Variants in NOVA1 observed in about 807,000 individuals in gnomAD.
The protein encoded by NOVA1 is NOVA alternative splicing regulator 1.
Under a neutral mutation model 38.0 loss-of-function variants are expected in NOVA1, and 7 were observed. The ratio of observed to expected loss-of-function variants is 0.18; its 90% CI spans 0.10 to 0.35. The LOEUF is 0.35. Among genes scored for constraint, NOVA1 ranks in the 10% least tolerant of loss-of-function variants. The pLI is 1.00. For missense variants in NOVA1, 460 were observed against 616.0 expected, an observed-to-expected ratio of 0.75 and a Z score of 2.68; for synonymous variants, 270 against 232.5, an observed-to-expected ratio of 1.16 and a Z score of -1.47.
intron 2 of NOVA1, among the ~76,000 whole-genome samples, chr14:26,567,616 T>A (rs1892215406): frequency 6.6e-6 from 1 of 152,098 alleles, no homozygotes; most frequent in Non-Finnish European, 1.5e-5. Context: ...ATTTAAATAG[T>A]TTGACAGTGG....
At chr14:26,529,507 T>C (rs1889548182) in intron 2 of NOVA1, among the ~76,000 whole-genome samples, 1 of 152,178 alleles carries the variant, frequency 6.6e-6, no homozygotes. Context: ...TGTAGGGGAA[T>C]GGCTCTATCA....
chr14:26,518,772 T>G (rs927913457), intron 2 of NOVA1, among the ~76,000 whole-genome samples: 1 of 152,092 alleles, frequency 6.6e-6, no homozygotes, highest in Non-Finnish European at 1.5e-5. Context: ...ACTTTTATTT[T>G]AGATTCAGGG....
At chr14:26,509,431 T>C (rs1887889520) in intron 2 of NOVA1, among the ~76,000 whole-genome samples, 1 of 152,142 alleles carries the variant, frequency 6.6e-6, no homozygotes, top group Non-Finnish European at 1.5e-5. Context: ...TGTCAAAAGT[T>C]AGCAATTAAG....
At position 26,452,492 on chromosome 14, in the gene NOVA1, T is replaced by C. The variant is rs930803311; in HGVS notation, c.520-3529A>G. 2.0e-5 allele frequency among the ~76,000 whole-genome samples: 3 copies of C among 152,306 alleles called. No individual in the cohort carries two copies. In the East Asian group the frequency reaches 5.8e-4, roughly 29 times the overall value. On this transcript the variant is annotated intron_variant, in intron 4 of 4. Transcript: ENST00000539517. ...GTAAGATAGATTATTTTCTCTTACT[T>C]CTTAGATAAAGGCATTTACCAAAGC...
chr14:26,586,925 A>G (rs1296222065), intron 2 of NOVA1, among the ~76,000 whole-genome samples: 2 of 145,486 alleles, frequency 1.4e-5, no homozygotes, highest in Non-Finnish European at 3.1e-5. Context: ...TTTTTTTTTT[A>G]AAGAACATAT....
intron 2 of NOVA1, among the ~76,000 whole-genome samples, chr14:26,554,199 G>A (rs962764038): frequency 1.3e-5 from 2 of 149,740 alleles, no homozygotes; most frequent in African/African-American, 4.9e-5. Flanking sequence ...AAGGAAGGGA[G>A]GGAGGGAGGG....
At position 26,540,440 on chromosome 14, in the gene NOVA1, G is replaced by A. The variant is rs546772194; in HGVS notation, c.280+54970C>T. Among the ~76,000 whole-genome samples, 382 of 152,306 alleles carry A rather than the reference G, an allele frequency of 2.5e-3. 1 individual carries two copies. The highest frequency in any genetic ancestry group is 8.7e-3 in the African/African-American group (361 of 41,578). On this transcript the variant is annotated intron_variant, in intron 2 of 4. Transcript: ENST00000539517. ...CCAGTCCCTGGTGCCAAAAAGGTCG[G>A]GGGCTGCTGAATTAGATGACTTTTG...
At chr14:26,467,407 T>C (rs1227287476) in intron 4 of NOVA1, among the ~76,000 whole-genome samples, 3 of 152,132 alleles carry the variant, frequency 2.0e-5, no homozygotes. Flanking sequence ...AGGCAAAAAT[T>C]TGACTGAAGT....
At chr14:26,488,817 T>C (rs569713531) in intron 2 of NOVA1, among the ~76,000 whole-genome samples, 1 of 152,308 alleles carries the variant, frequency 6.6e-6, no homozygotes, top group Non-Finnish European at 1.5e-5. Flanking sequence ...TTGACAGTAA[T>C]TTGTACTTTT....
intron 2 of NOVA1, among the ~76,000 whole-genome samples, chr14:26,495,123 A>T (rs2138375021): frequency 6.6e-6 from 1 of 151,478 alleles, no homozygotes; most frequent in Middle Eastern, 3.4e-3. Context: ...TTTCCCACTG[A>T]TCTCCATCCT....
In NOVA1 at chr14:26,443,549, T is replaced by C. The variant is rs1203800184; in HGVS notation, c.*4410A>G. 1 of 152,292 alleles carries C rather than the reference T, an allele frequency of 6.6e-6. No homozygotes were observed. The highest frequency in any genetic ancestry group is 1.5e-5 in the Non-Finnish European group (1 of 67,870). 9.4% of individuals were successfully genotyped at this position (152,292 alleles called of 1,614,324 possible). ...GACAAGTTCTCTAATACTTTCATTT[T>C]TTGAAAGAAAAGTTATTTATTTGGG... is the stretch of plus-strand genomic sequence containing the variant. On this transcript the variant is annotated 3_prime_UTR_variant, in exon 5 of 5. Coordinates refer to ENST00000539517, the MANE Select transcript of NOVA1 (RefSeq NM_002515.3).
intron 2 of NOVA1, among the ~76,000 whole-genome samples, chr14:26,592,331 G>A (rs1893902689): frequency 1.3e-5 from 2 of 150,816 alleles, no homozygotes; most frequent in South Asian, 4.2e-4. Flanking sequence ...TTACTACAAG[G>A]TAACTTGCTA....
At chr14:26,546,306 T>C (rs1421865418) in intron 2 of NOVA1, among the ~76,000 whole-genome samples, 1 of 152,066 alleles carries the variant, frequency 6.6e-6, no homozygotes, top group Non-Finnish European at 1.5e-5. Context: ...CATTGAAAAA[T>C]CATCTCCCTA....
At chr14:26,498,538 A>G (rs1457914700) in intron 2 of NOVA1, among the ~76,000 whole-genome samples, 1 of 152,160 alleles carries the variant, frequency 6.6e-6, no homozygotes, top group Admixed American at 6.5e-5. Context: ...TAATATTAAA[A>G]TAATTATATT....
intron 2 of NOVA1, among the ~76,000 whole-genome samples, chr14:26,563,465 AG>A (rs1891948384): frequency 6.6e-6 from 1 of 152,110 alleles, no homozygotes; most frequent in Non-Finnish European, 1.5e-5. Context: ...TACAATTTTA[AG>A]ATTTTTTTAA....
chr14:26,494,736 TTCTC>T (rs974880784), intron 2 of NOVA1, among the ~76,000 whole-genome samples: 2 of 151,844 alleles, frequency 1.3e-5, no homozygotes, highest in Non-Finnish European at 2.9e-5. Flanking sequence ...CTCTCTCTCT[TTCTC>T]TCTCTACCAA....
intron 2 of NOVA1, among the ~76,000 whole-genome samples, chr14:26,508,298 TAA>T (rs1433181915): frequency 6.6e-6 from 1 of 152,050 alleles, no homozygotes; most frequent in Non-Finnish European, 1.5e-5. Context: ...ATAATTTTCC[TAA>T]GTGTTGTAAA....
chr14:26,519,781 G>C (rs1888739516), intron 2 of NOVA1, among the ~76,000 whole-genome samples: 1 of 151,992 alleles, frequency 6.6e-6, no homozygotes, highest in Non-Finnish European at 1.5e-5. Flanking sequence ...GAGAGGACCA[G>C]ATAATTAGTG....
At chr14:26,587,412 G>A (rs1417599650) in intron 2 of NOVA1, among the ~76,000 whole-genome samples, 1 of 150,218 alleles carries the variant, frequency 6.7e-6, no homozygotes, top group Non-Finnish European at 1.5e-5. Flanking sequence ...AAGATACATT[G>A]TAATAATTCT....
Sources: gnomAD v4.1 joint callset for allele counts (sites outside exome capture counted in the v4.1 genomes callset) on GRCh38, gnomAD v4.1.1 for gene constraint, MANE v1.5 for transcripts, NCBI Gene and HGNC (gene_info 2026-07-23, HGNC 2026-07-21) for gene names.